Variants in KIF21B observed in about 807,000 individuals in gnomAD.
The protein encoded by KIF21B is kinesin family member 21B.
In KIF21B, 85 loss-of-function variants were observed where a neutral mutation model predicts 192.9. The observed-to-expected ratio is 0.44, with a 90% CI of 0.37 to 0.53. The LOEUF (loss-of-function observed/expected upper bound fraction) is 0.53. KIF21B is among the 20% of genes least tolerant of loss of function. The pLI, the probability that KIF21B is intolerant of heterozygous loss-of-function variation, is 0.00. For missense variants in KIF21B, 1,716 were observed against 2,194.8 expected (o/e 0.78, Z 4.36); for synonymous variants, 832 against 884.6 (o/e 0.94, Z 1.05).
Position 200,987,004 on chromosome 1 carries a change from G to C in KIF21B, c.3606C>G (p.Gly1202=), listed in dbSNP as rs1393898656. ...CCTGCTCCCATCCTTACAAAGTGCT[G>C]CCCCGGGTAGGCAGACTGACGGTGC... ...VSRTVSLPTR[G]STFPRQSRAT... is the part of the protein sequence containing the mutation. The change falls in exon 25 of 35, where the codon GGC becomes GGG. Residue 1202 remains glycine, a synonymous_variant. Transcript: ENST00000461742. 3 of 1,613,920 alleles carry C rather than the reference G, an allele frequency of 1.9e-6. No individual in the cohort carries two copies. The highest frequency in any genetic ancestry group is 2.7e-5 in the African/African-American group (2 of 74,882).
rs1405643541 is a variant in KIF21B, at chr1:201,000,087, C to T, written c.1686-123G>A. The T allele has an allele frequency of 2.3e-6, 2 of 882,128 alleles. No individual in the cohort carries two copies. The highest frequency in any genetic ancestry group is 3.6e-6 in the Non-Finnish European group (2 of 548,862). The allele number at this position is 882,128 out of a possible 1,614,324, so 54.6% of individuals were successfully genotyped here. A position where few individuals can be genotyped will look rare whatever the true frequency, so the allele number is the denominator to read the frequency against. On this transcript the variant is annotated intron_variant, in intron 11 of 34. Coordinates refer to ENST00000461742, the MANE Select transcript of KIF21B (RefSeq NM_001252102.2). The surrounding 1 kb of genome is among the most constrained non-coding windows in gnomAD (Gnocchi z 6.0). ...CAGAGGCCGGGGAGAGCACTGGCTC[C>T]TACTCTGCAGAGAACCCCACTGCTC...
Position 201,004,473 on chromosome 1 carries a change from T to C in KIF21B, c.901-18A>G. On this transcript the variant is annotated intron_variant, in intron 6 of 34. Coordinates refer to ENST00000461742, the MANE Select transcript of KIF21B (RefSeq NM_001252102.2). ...AAGGCCAGCTGTGGGAGACAGACCC[T>C]GGCACTCAGCAGTCACTCAGGGAGC... 6.4e-7 allele frequency: 1 copy of C among 1,551,118 alleles called. No homozygotes were observed. Among genetic ancestry groups the C allele is most frequent in the Non-Finnish European group, 8.8e-7 (1 of 1,142,710 alleles).
chr1:201,009,368 G>A lies in KIF21B; in HGVS notation c.162C>T (p.Phe54=), dbSNP rs139306112. ...TCTGTTCTTGCCAGGTGTCCAGGTC[G>A]AAGACAAAGTCATAGGTGAAGGCCT... ...KDKAFTYDFV[F]DLDTWQEQIY... is the part of the protein sequence containing the mutation. The change falls in exon 2 of 35, where the codon TTC becomes TTT. Residue 54 remains phenylalanine (F), a synonymous_variant. Transcript: ENST00000461742. 68 of 1,614,140 alleles carry A rather than the reference G, an allele frequency of 4.2e-5. No individual in the cohort carries two copies. Among genetic ancestry groups the A allele is most frequent in the Non-Finnish European group, 5.4e-5 (64 of 1,180,042 alleles).
chr1:201,023,346 A>G lies in KIF21B; in HGVS notation c.38T>C (p.Val13Ala), dbSNP rs752880116. The change falls in exon 1 of 35, where the codon GTC becomes GCC. Residue 13 changes from valine to alanine, a missense_variant. Transcript: ENST00000461742. The surrounding 1 kb of genome is among the most constrained non-coding windows in gnomAD (Gnocchi z 5.9). Reference protein sequence around the residue: ...GQGDCCVKVAVRIRPQLSKEK... With the variant: ...GQGDCCVKVAARIRPQLSKEK... ...CTTCCCCGCCCCGGGTCCCTACCTG[A>G]CGGCCACCTTGACGCAGCAGTCCCC... 26 of 1,530,444 alleles carry G rather than the reference A, an allele frequency of 1.7e-5. No homozygotes were observed. Among genetic ancestry groups the G allele is most frequent in the Non-Finnish European group, 2.2e-5 (25 of 1,140,966 alleles). 94.8% of individuals were successfully genotyped at this position (1,530,444 alleles called of 1,614,324 possible). A position where few individuals can be genotyped will look rare whatever the true frequency, so the allele number is the denominator to read the frequency against.
intron 3 of KIF21B, among the ~76,000 whole-genome samples, chr1:201,006,163 C>T (rs755654842): frequency 3.3e-5 from 5 of 152,206 alleles, no homozygotes; most frequent in African/African-American, 7.2e-5. Context: ...GACAAGCTCT[C>T]GAAGGGGAGG....
chr1:201,013,932 C>A (rs1286689464), intron 1 of KIF21B, among the ~76,000 whole-genome samples: 1 of 152,216 alleles, frequency 6.6e-6, no homozygotes, highest in Non-Finnish European at 1.5e-5. Flanking sequence ...CCAGGCCCCA[C>A]CCCTCCAATC....
chr1:201,005,772 ATC>A (rs1657783976), intron 3 of KIF21B, 78 bp from the exon 4 acceptor site: 1 of 1,439,276 alleles, frequency 6.9e-7, no homozygotes, highest in East Asian at 2.3e-5. Flanking sequence ...TATAAACCAT[ATC>A]TGTTTTACAG....
At chr1:201,016,513 G>C (rs1281482704) in intron 1 of KIF21B, among the ~76,000 whole-genome samples, 2 of 152,196 alleles carry the variant, frequency 1.3e-5, no homozygotes, top group African/African-American at 4.8e-5. Flanking sequence ...GGGGAAGGCG[G>C]CTGGAAGCAA....
chr1:201,014,284 A>AC (rs1658384203), intron 1 of KIF21B, among the ~76,000 whole-genome samples: 2 of 151,910 alleles, frequency 1.3e-5, no homozygotes, highest in Non-Finnish European at 2.9e-5. Context: ...TCCCAGGCTG[A>AC]CCCCACCCCC....
At position 200,979,521 on chromosome 1, in the gene KIF21B, CG is replaced by C; in HGVS notation, c.4160+13del. ...CTGCAGCCGACCACTGTGAGGCAGG[CG>C]GGGGTTACTCACGTGAGAGTCCGAA... is the stretch of plus-strand genomic sequence containing the variant. On this transcript the variant is annotated intron_variant, in intron 30 of 34. Coordinates refer to ENST00000461742, the MANE Select transcript of KIF21B (RefSeq NM_001252102.2). 6.6e-7 allele frequency: 1 copy of C among 1,517,488 alleles called. No individual in the cohort carries two copies. Among genetic ancestry groups the C allele is most frequent in the Non-Finnish European group, 8.9e-7 (1 of 1,129,446 alleles). 94.0% of individuals were successfully genotyped at this position (1,517,488 alleles called of 1,614,324 possible).
chr1:200,997,588 C>A (rs1210450633), intron 14 of KIF21B, among the ~76,000 whole-genome samples: 1 of 152,098 alleles, frequency 6.6e-6, no homozygotes, highest in Admixed American at 6.5e-5. Context: ...ACTAAAAATA[C>A]AAAAATTAGC....
At chr1:200,993,561 A>G (rs971297648) in intron 15 of KIF21B, among the ~76,000 whole-genome samples, 1 of 152,126 alleles carries the variant, frequency 6.6e-6, no homozygotes, top group Non-Finnish European at 1.5e-5. Flanking sequence ...AGCCTGGGCA[A>G]CATAGTGAGA....
chr1:200,987,210 A>G lies in KIF21B; in HGVS notation c.3409-9T>C. On this transcript the variant is annotated splice_polypyrimidine_tract_variant and intron_variant, in intron 24 of 34. Coordinates refer to ENST00000461742, the MANE Select transcript of KIF21B (RefSeq NM_001252102.2). Reference sequence around the variant, plus strand: ...GACAGTTTGGGCTCGCTCTGGGAAAAGAAGAACAGGGTGGATCAACTTGCC... The same window carrying G: ...GACAGTTTGGGCTCGCTCTGGGAAAGGAAGAACAGGGTGGATCAACTTGCC... The G allele has an allele frequency of 1.2e-6, 2 of 1,610,622 alleles. No individual in the cohort carries two copies. The highest frequency in any genetic ancestry group is 1.7e-6 in the Non-Finnish European group (2 of 1,178,330).
Position 200,982,984 on chromosome 1 carries a change from G to C in KIF21B, c.3842+72C>G. 1 of 1,392,528 alleles carries C rather than the reference G, an allele frequency of 7.2e-7. No individual in the cohort carries two copies. The allele number at this position is 1,392,528 out of a possible 1,614,324, so 86.3% of individuals were successfully genotyped here. ...ACGGGTGTCAGGCGGGAGGGATGCA[G>C]CAAGAGACAGAGAAGAGAGGGTGCC... On this transcript the variant is annotated intron_variant, in intron 28 of 34. Coordinates refer to ENST00000461742, the MANE Select transcript of KIF21B (RefSeq NM_001252102.2). The surrounding 1 kb of genome is among the most constrained non-coding windows in gnomAD (Gnocchi z 4.7).
At chr1:201,012,948 C>T (rs1021274223) in intron 1 of KIF21B, among the ~76,000 whole-genome samples, 2 of 152,200 alleles carry the variant, frequency 1.3e-5, no homozygotes, top group African/African-American at 4.8e-5. Context: ...GCTGAAAACT[C>T]TTAATCCTAA....
intron 1 of KIF21B, among the ~76,000 whole-genome samples, chr1:201,011,989 C>T (rs1035754975): frequency 2.0e-5 from 3 of 152,370 alleles, no homozygotes; most frequent in Non-Finnish European, 2.9e-5. Flanking sequence ...AATCAGCCCC[C>T]GGACCACCTG....
Position 200,999,604 on chromosome 1 carries a change from C to G in KIF21B, c.1768-138G>C. The G allele has an allele frequency of 6.9e-7, 1 of 1,454,132 alleles. No homozygotes were observed. Among genetic ancestry groups the G allele is most frequent in the African/African-American group, 1.4e-5 (1 of 70,916 alleles). 90.1% of individuals were successfully genotyped at this position (1,454,132 alleles called of 1,614,324 possible). On this transcript the variant is annotated intron_variant, in intron 12 of 34. Transcript: ENST00000461742. This position sits in a 1 kb window ranked among gnomAD's most constrained non-coding sequence, Gnocchi z 4.7. ...GGCCACAGCTGAGCCCCCCTGCCCA[C>G]CCCCTACTCCTGGAAGAGTGCCGCC...
chr1:201,003,793 GA>G lies in KIF21B; in HGVS notation c.1017-13del. 1 of 1,614,144 alleles carries G rather than the reference GA, an allele frequency of 6.2e-7. No individual in the cohort carries two copies. The highest frequency in any genetic ancestry group is 1.1e-5 in the South Asian group (1 of 91,068). On this transcript the variant is annotated splice_polypyrimidine_tract_variant and intron_variant, in intron 7 of 34. Transcript: ENST00000461742. ...TCATGATGGTCTGGCTGGGGGTGCAGAAAGGCTGTTGTGAGGGTGAGGGACA... is the reference window on the plus strand; with the variant it reads ...TCATGATGGTCTGGCTGGGGGTGCAGAAGGCTGTTGTGAGGGTGAGGGACA...
At position 201,023,421 on chromosome 1, in the gene KIF21B, C is replaced by T. The variant is rs1214016225; in HGVS notation, c.-38G>A. On this transcript the variant is annotated 5_prime_UTR_variant, in exon 1 of 35. Coordinates refer to ENST00000461742, the MANE Select transcript of KIF21B (RefSeq NM_001252102.2). The surrounding 1 kb of genome is among the most constrained non-coding windows in gnomAD (Gnocchi z 5.9). Reference sequence around the variant, plus strand: ...CTAGGGTCTGGGCGTGGATCAGAGGCGGGGGTCTGGGGGCCAATGCCCGAG... The same window carrying T: ...CTAGGGTCTGGGCGTGGATCAGAGGTGGGGGTCTGGGGGCCAATGCCCGAG... 4 of 1,422,658 alleles carry T rather than the reference C, an allele frequency of 2.8e-6. No homozygotes were observed. In the Admixed American group the frequency reaches 1.1e-4, roughly 38 times the overall value. 88.1% of individuals were successfully genotyped at this position (1,422,658 alleles called of 1,614,324 possible). A position where few individuals can be genotyped will look rare whatever the true frequency, so the allele number is the denominator to read the frequency against.
Sources: gnomAD v4.1 joint callset for allele counts (sites outside exome capture counted in the v4.1 genomes callset) on GRCh38, gnomAD v4.1.1 for gene constraint, Gnocchi (gnomAD v3.1) non-coding constraint, MANE v1.5 for transcripts, NCBI Gene and HGNC (gene_info 2026-07-23, HGNC 2026-07-21) for gene names.